The following ARL14EPL variants were observed in gnomAD, a reference collection of about 807,000 sequenced individuals.
ARL14EPL encodes ARF like GTPase 14 effector protein like, also known as ARL14 effector protein-like.
ARL14EPL carries 17 observed loss-of-function variants against 15.9 expected under a neutral mutation model. That is an observed-to-expected ratio of 1.07 (90% CI 0.73 to 1.60). ARL14EPL has a LOEUF of 1.60. Among genes scored for constraint, ARL14EPL ranks in the 40% most tolerant of loss-of-function variants. ARL14EPL has a pLI of 0.00. For synonymous variants in ARL14EPL, 78 were observed against 63.8 expected, an observed-to-expected ratio of 1.22 and a Z score of -1.06; for missense variants, 214 against 185.9, an observed-to-expected ratio of 1.15 and a Z score of -0.88.
At chr5:116,036,088 G>C (rs1438702015) in intron 1 of ARL14EPL, among the ~76,000 whole-genome samples, 1 of 152,198 alleles carries the variant, frequency 6.6e-6, no homozygotes, top group African/African-American at 2.4e-5. Flanking sequence ...GGTGGTTTTG[G>C]AATTGAGAGA....
rs1027878799 is a variant in ARL14EPL at position 116,059,439 on chromosome 5, C to T, written c.*492C>T. ...ACTTTGCACTGTATACCCATAGCCT[C>T]ATTTTTTTATTGTTCATGTTTTAAT... On this transcript the variant is annotated 3_prime_UTR_variant, in exon 4 of 4. Transcript: ENST00000686077. 35 of 152,638 alleles carry T rather than the reference C, an allele frequency of 2.3e-4. No homozygotes were observed. The highest frequency in any genetic ancestry group is 8.2e-4 in the African/African-American group (34 of 41,432). The allele number at this position is 152,638 out of a possible 1,614,324, so 9.5% of individuals were successfully genotyped here.
At chr5:116,041,400 G>T (rs1749155762) in intron 1 of ARL14EPL, among the ~76,000 whole-genome samples, 1 of 152,154 alleles carries the variant, frequency 6.6e-6, no homozygotes, top group Admixed American at 6.5e-5. Flanking sequence ...AAACACTGAA[G>T]TAGTTTTATC....
chr5:116,033,810 A>C (rs2662455), intron 1 of ARL14EPL, among the ~76,000 whole-genome samples: 49,707 of 152,134 alleles, frequency 0.33, 8,622 homozygotes, highest in East Asian at 0.44. Flanking sequence ...GTTTCGTGAA[A>C]AAAAGGCTGT....
intron 2 of ARL14EPL, among the ~76,000 whole-genome samples, chr5:116,052,545 G>A (rs1185724727): frequency 2.0e-5 from 3 of 152,238 alleles, no homozygotes; most frequent in East Asian, 1.9e-4. Flanking sequence ...GCCAAGGCTT[G>A]AGCACAGGCA....
intron 1 of ARL14EPL, among the ~76,000 whole-genome samples, chr5:116,038,568 AG>A (rs1749091175): frequency 6.6e-6 from 1 of 152,118 alleles, no homozygotes; most frequent in African/African-American, 2.4e-5. Context: ...AGGACCACAA[AG>A]GTTTTGGAGG....
intron 1 of ARL14EPL, among the ~76,000 whole-genome samples, chr5:116,040,235 T>C (rs1190434924): frequency 1.3e-5 from 2 of 152,218 alleles, no homozygotes; most frequent in East Asian, 3.9e-4. Flanking sequence ...TGGCTATATA[T>C]AATTTCTATT....
intron 1 of ARL14EPL, among the ~76,000 whole-genome samples, chr5:116,040,873 C>A (rs1366627521): frequency 6.8e-6 from 1 of 146,266 alleles, no homozygotes; most frequent in Admixed American, 6.9e-5. Flanking sequence ...CCCAGCTACT[C>A]GGGAGGCTGA....
intron 1 of ARL14EPL, among the ~76,000 whole-genome samples, chr5:116,048,329 C>T (rs1749311511): frequency 6.6e-6 from 1 of 152,090 alleles, no homozygotes; most frequent in African/African-American, 2.4e-5. Context: ...TTTAAATGAT[C>T]CTGAGCTGGG....
chr5:116,051,867 A>T, intron 2 of ARL14EPL: 2 of 1,222,456 alleles, frequency 1.6e-6, no homozygotes, highest in Non-Finnish European at 2.3e-6. Context: ...TTTTTGATTT[A>T]ATAAAGTTTT....
intron 3 of ARL14EPL, among the ~76,000 whole-genome samples, chr5:116,056,180 G>A (rs1230378862): frequency 6.6e-6 from 1 of 151,892 alleles, no homozygotes; most frequent in African/African-American, 2.4e-5. Flanking sequence ...GGATGGCTGG[G>A]TCAAATGGTA....
intron 3 of ARL14EPL, among the ~76,000 whole-genome samples, chr5:116,056,817 T>C (rs916030089): frequency 1.3e-5 from 2 of 152,214 alleles, no homozygotes; most frequent in African/African-American, 4.8e-5. Flanking sequence ...CTTGAATTAA[T>C]TTTTGTATAA....
chr5:116,059,140 G>C lies in ARL14EPL; in HGVS notation c.*193G>C. On this transcript the variant is annotated 3_prime_UTR_variant, in exon 4 of 4. Transcript: ENST00000686077. ...TCTTAACTGTGTCAACAATTTTCAA[G>C]TCCCTTAACTTGCAACCAAAGAATG... 1.7e-6 allele frequency: 1 copy of C among 602,986 alleles called. No homozygotes were observed. The highest frequency in any genetic ancestry group is 2.9e-6 in the Non-Finnish European group (1 of 347,888). The allele number at this position is 602,986 out of a possible 1,614,324, so 37.4% of individuals were successfully genotyped here.
At chr5:116,047,312 G>C (rs1876679) in intron 1 of ARL14EPL, among the ~76,000 whole-genome samples, 121,433 of 152,132 alleles carry the variant, frequency 0.8, 48,683 homozygotes, top group Middle Eastern at 0.86. Context: ...TAAAGTGCAT[G>C]CTTTCCTATT....
At chr5:116,045,745 A>AGTGTGTGTGT (rs56960751) in intron 1 of ARL14EPL, among the ~76,000 whole-genome samples, 111 of 148,744 alleles carry the variant, frequency 7.5e-4, no homozygotes, top group African/African-American at 2.7e-3. Context: ...GACCCACAGA[A>AGTGTGTGTGT]GTGTGTGTGT....
Position 116,038,403 on chromosome 5 carries a change from G to A in ARL14EPL, c.-10+5898G>A, listed in dbSNP as rs185099436. ...CAATGGTGATTTTAGACATACACTGGGGAAAGCGTAAGTGGGTCCTGGAAG... is the reference window on the plus strand; with the variant it reads ...CAATGGTGATTTTAGACATACACTGAGGAAAGCGTAAGTGGGTCCTGGAAG... On this transcript the variant is annotated intron_variant, in intron 1 of 3. Coordinates refer to ENST00000686077, the MANE Select transcript of ARL14EPL (RefSeq NM_001195581.2). Among the ~76,000 whole-genome samples the A allele has an allele frequency of 1.4e-3, 215 of 152,248 alleles. 1 individual carries two copies. The highest frequency in any genetic ancestry group is 3.4e-3 in the Middle Eastern group (1 of 294).
At chr5:116,047,488 G>A (rs1237725343) in intron 1 of ARL14EPL, among the ~76,000 whole-genome samples, 4 of 152,186 alleles carry the variant, frequency 2.6e-5, no homozygotes, top group Non-Finnish European at 4.4e-5. Context: ...TCTGAGCCTT[G>A]GTTTCCTCAG....
At chr5:116,034,538 C>A (rs1013933191) in intron 1 of ARL14EPL, among the ~76,000 whole-genome samples, 2 of 152,134 alleles carry the variant, frequency 1.3e-5, no homozygotes, top group Non-Finnish European at 2.9e-5. Context: ...AACACATACC[C>A]CCATTTTTAG....
chr5:116,043,599 A>C (rs1040691988), intron 1 of ARL14EPL, among the ~76,000 whole-genome samples: 24 of 152,200 alleles, frequency 1.6e-4, no homozygotes, highest in Non-Finnish European at 4.4e-5. Context: ...AAACTATATT[A>C]AGTGTTGCTT....
At chr5:116,041,805 G>A (rs894913223) in intron 1 of ARL14EPL, among the ~76,000 whole-genome samples, 1 of 152,016 alleles carries the variant, frequency 6.6e-6, no homozygotes, top group East Asian at 1.9e-4. Flanking sequence ...TCACTAATTG[G>A]CACCTTTTCT....
Sources: allele counts gnomAD v4.1 joint callset (sites outside exome capture counted in the v4.1 genomes callset), GRCh38; gene constraint gnomAD v4.1.1; transcripts MANE v1.5; gene names NCBI Gene and HGNC (gene_info 2026-07-23, HGNC 2026-07-21).